Variants in ZNF536 observed in about 807,000 individuals in gnomAD.
The protein encoded by ZNF536 is zinc finger protein 536.
In ZNF536, 13 loss-of-function variants were observed where a neutral mutation model predicts 84.5. That is an observed-to-expected ratio of 0.15 (90% CI 0.10 to 0.24). The LOEUF (loss-of-function observed/expected upper bound fraction) is 0.24, where lower values mean the gene tolerates loss of function less well. ZNF536 is among the 10% of genes least tolerant of loss of function. ZNF536 has a pLI of 1.00. For synonymous variants in ZNF536, 811 were observed against 742.5 expected (o/e 1.09, Z -1.50); for missense variants, 1,536 against 1,747.5 (o/e 0.88, Z 2.16).
intron 1 of ZNF536, among the ~76,000 whole-genome samples, chr19:30,697,750 AAATCTGCTCTGCTGCCTT>A (rs1425978563): frequency 1.3e-5 from 2 of 152,184 alleles, no homozygotes; most frequent in Admixed American, 6.5e-5. Context: ...CGATTTCTCA[AAATCTGCTCTGCTGCCTT>A]CCCTGATCCT....
chr19:30,452,407 A>G (rs1435423691), intron 2 of ZNF536, among the ~76,000 whole-genome samples: 1 of 152,210 alleles, frequency 6.6e-6, no homozygotes, highest in Non-Finnish European at 1.5e-5. Context: ...TCTACATCTC[A>G]GTGCATTTCC....
At chr19:30,480,985 T>C (rs2054059637) in intron 2 of ZNF536, among the ~76,000 whole-genome samples, 1 of 149,970 alleles carries the variant, frequency 6.7e-6, no homozygotes, top group Non-Finnish European at 1.5e-5. Context: ...GCCGAGTTCA[T>C]GTCACTGGAC....
intron 3 of ZNF536, among the ~76,000 whole-genome samples, chr19:30,362,291 GC>G (rs2048300200): frequency 6.6e-6 from 1 of 152,146 alleles, no homozygotes. Flanking sequence ...GAGGCGGGCG[GC>G]TTTCCTAGTG....
chr19:30,382,346 C>T (rs1200231673), intron 1 of ZNF536, among the ~76,000 whole-genome samples: 1 of 152,230 alleles, frequency 6.6e-6, no homozygotes, highest in Non-Finnish European at 1.5e-5. Flanking sequence ...ACTGCATGGT[C>T]TATCCAGTGC....
intron 3 of ZNF536, among the ~76,000 whole-genome samples, chr19:30,353,232 A>T (rs2047988832): frequency 6.6e-6 from 1 of 152,148 alleles, no homozygotes; most frequent in Non-Finnish European, 1.5e-5. Context: ...GGGATAAGAA[A>T]AATTCAGGGA....
chr19:30,347,857 T>G (rs2047798376), intron 2 of ZNF536, among the ~76,000 whole-genome samples: 1 of 152,204 alleles, frequency 6.6e-6, no homozygotes, highest in African/African-American at 2.4e-5. Flanking sequence ...GTCTGTGTGC[T>G]TTGAAACATT....
chr19:30,591,538 C>T (rs2146800103), intron 1 of ZNF536, among the ~76,000 whole-genome samples: 1 of 152,174 alleles, frequency 6.6e-6, no homozygotes. Flanking sequence ...GGAAATTGCC[C>T]CCACGATTCA....
rs879796281 is a variant in ZNF536, at chr19:30,514,634, GCTT to G, written c.2171-20207_2171-20205del. Among the ~76,000 whole-genome samples the G allele has an allele frequency of 2.6e-5, 4 of 151,816 alleles. No homozygotes were observed. In the South Asian group the frequency reaches 6.2e-4, roughly 24 times the overall value. On this transcript the variant is annotated intron_variant, in intron 2 of 4. Transcript: ENST00000355537. ...GGCTTTTCTTGGGGCATCAAGACCAGCTTCTTCTGCTTGATTCCAGAGGGCACC... is the reference window on the plus strand; with the variant it reads ...GGCTTTTCTTGGGGCATCAAGACCAGCTTCTGCTTGATTCCAGAGGGCACC...
At chr19:30,598,058 C>T (rs774017116) in intron 1 of ZNF536, among the ~76,000 whole-genome samples, 34 of 152,298 alleles carry the variant, frequency 2.2e-4, no homozygotes, top group South Asian at 4.1e-4. Context: ...GTACACAGTA[C>T]TTAGAGCAAC....
At chr19:30,675,260 G>A (rs1407115991) in intron 1 of ZNF536, among the ~76,000 whole-genome samples, 1 of 152,182 alleles carries the variant, frequency 6.6e-6, no homozygotes, top group African/African-American at 2.4e-5. Flanking sequence ...TTTCTGCCAT[G>A]TAAACAGGCA....
chr19:30,295,794 T>C (rs558588948), intron 2 of ZNF536, among the ~76,000 whole-genome samples: 3 of 152,334 alleles, frequency 2.0e-5, no homozygotes, highest in South Asian at 4.1e-4. Flanking sequence ...CTTTTAATCA[T>C]GGGAATGGTG....
intron 1 of ZNF536, among the ~76,000 whole-genome samples, chr19:30,595,280 G>A (rs551018097): frequency 2.1e-4 from 32 of 152,076 alleles, no homozygotes; most frequent in South Asian, 1.0e-3. Flanking sequence ...TGAAAATCAC[G>A]GTTCTTTTTT....
At chr19:30,340,970 A>C (rs1833671357) in intron 2 of ZNF536, among the ~76,000 whole-genome samples, 1 of 152,182 alleles carries the variant, frequency 6.6e-6, no homozygotes, top group South Asian at 2.1e-4. Context: ...GACTCGAGAA[A>C]AAAATCCCAC....
At chr19:30,442,979 C>T (rs1012578526) in intron 1 of ZNF536, among the ~76,000 whole-genome samples, 1 of 151,560 alleles carries the variant, frequency 6.6e-6, no homozygotes, top group East Asian at 1.9e-4. Flanking sequence ...TTTATTTTTT[C>T]CCAAAACATT....
intron 2 of ZNF536, among the ~76,000 whole-genome samples, chr19:30,494,727 C>T (rs752464384): frequency 2.6e-5 from 4 of 152,064 alleles, no homozygotes; most frequent in Non-Finnish European, 5.9e-5. Context: ...GGGCAGATCA[C>T]TTAAGGTCAG....
chr19:30,444,290 A>T lies in ZNF536; in HGVS notation c.728A>T (p.Gln243Leu), dbSNP rs2148177637. The change falls in exon 2 of 5, where the codon CAG becomes CTG. Residue 243 changes from glutamine to leucine, a missense_variant. Gln to Leu is a moderately radical substitution (Grantham distance 113). Coordinates refer to ENST00000355537, the MANE Select transcript of ZNF536 (RefSeq NM_014717.3). Reference protein sequence around the residue: ...APLAACTLALQANHSVPDVAH... With the variant: ...APLAACTLALLANHSVPDVAH... ...CTGGCCGCCTGCACCCTGGCCCTGCAGGCTAACCACAGCGTTCCCGACGTG... is the reference window on the plus strand; with the variant it reads ...CTGGCCGCCTGCACCCTGGCCCTGCTGGCTAACCACAGCGTTCCCGACGTG... The T allele has an allele frequency of 6.4e-7, 1 of 1,574,548 alleles. No homozygotes were observed. The highest frequency in any genetic ancestry group is 1.1e-5 in the South Asian group (1 of 88,158).
At chr19:30,658,130 C>A (rs996820885) in intron 1 of ZNF536, among the ~76,000 whole-genome samples, 2 of 151,388 alleles carry the variant, frequency 1.3e-5, no homozygotes, top group Non-Finnish European at 2.9e-5. Context: ...TCAAGCGATT[C>A]TCCTGCCTCA....
intron 1 of ZNF536, among the ~76,000 whole-genome samples, chr19:30,678,977 T>C (rs1264242601): frequency 1.3e-5 from 2 of 152,076 alleles, no homozygotes; most frequent in African/African-American, 4.8e-5. Flanking sequence ...TAGCACGTTG[T>C]TACATAGATG....
intron 1 of ZNF536, among the ~76,000 whole-genome samples, chr19:30,682,218 T>G (rs751359068): frequency 1.1e-4 from 16 of 152,120 alleles, no homozygotes; most frequent in Admixed American, 5.9e-4. Flanking sequence ...TCTCTCGAAC[T>G]CTGCAAGTTT....
Sources: allele counts gnomAD v4.1 joint callset (sites outside exome capture counted in the v4.1 genomes callset), GRCh38; gene constraint gnomAD v4.1.1; transcripts MANE v1.5; gene names NCBI Gene and HGNC (gene_info 2026-07-23, HGNC 2026-07-21).